The following DLG2 variants were observed in gnomAD, a reference collection of about 807,000 sequenced individuals.
DLG2 encodes the protein discs large MAGUK scaffold protein 2, also known as disks large homolog 2.
Under a neutral mutation model 132.5 loss-of-function variants are expected in DLG2, and 45 were observed. That is an observed-to-expected ratio of 0.34 (90% CI 0.27 to 0.44). The LOEUF is 0.44. DLG2 is among the 20% of genes least tolerant of loss of function. The pLI is 1.00. For missense variants in DLG2, 1,045 were observed against 1,196.9 expected (o/e 0.87, Z 1.87); for synonymous variants, 424 against 419.6 (o/e 1.01, Z -0.13).
intron 3 of DLG2, among the ~76,000 whole-genome samples, chr11:85,346,505 T>C (rs2082861440): frequency 6.6e-6 from 1 of 152,130 alleles, no homozygotes; most frequent in Non-Finnish European, 1.5e-5. Context: ...TTAATTACTA[T>C]ATTTTGCAAT....
chr11:85,448,709 A>G (rs1195620980), intron 3 of DLG2, among the ~76,000 whole-genome samples: 4 of 152,152 alleles, frequency 2.6e-5, no homozygotes, highest in Non-Finnish European at 5.9e-5. Flanking sequence ...GATCCAGGAA[A>G]TACCTTCAGA....
Position 83,867,882 on chromosome 11 carries a change from C to G in DLG2, c.1565+6538G>C, listed in dbSNP as rs187879920. 5.9e-4 allele frequency among the ~76,000 whole-genome samples: 90 copies of G among 152,096 alleles called. 1 individual carries two copies. Among genetic ancestry groups the G allele is most frequent in the Middle Eastern group, 3.4e-3 (1 of 294 alleles). ...TCCTTAAAGATTGCTGTGATGACAC[C>G]TTTTATATTTTAAGCGCTACACATG... On this transcript the variant is annotated intron_variant, in intron 16 of 27. Coordinates refer to ENST00000376104, the MANE Select transcript of DLG2 (RefSeq NM_001142699.3).
At chr11:84,934,792 T>A (rs1304061994) in intron 6 of DLG2, among the ~76,000 whole-genome samples, 1 of 151,974 alleles carries the variant, frequency 6.6e-6, no homozygotes, top group Non-Finnish European at 1.5e-5. Flanking sequence ...AGACTCAGAC[T>A]TTGTTTCTCT....
intron 6 of DLG2, among the ~76,000 whole-genome samples, chr11:84,788,346 C>T (rs1044797424): frequency 6.6e-6 from 1 of 152,006 alleles, no homozygotes; most frequent in Non-Finnish European, 1.5e-5. Flanking sequence ...TTACTTGGAA[C>T]ACAACAGGTG....
At chr11:85,569,175 G>A (rs2077707299) in intron 3 of DLG2, among the ~76,000 whole-genome samples, 1 of 152,072 alleles carries the variant, frequency 6.6e-6, no homozygotes, top group South Asian at 2.1e-4. Flanking sequence ...GGGATTACAG[G>A]CACCCATCAC....
intron 3 of DLG2, among the ~76,000 whole-genome samples, chr11:85,399,543 A>G (rs2087814291): frequency 6.6e-6 from 1 of 152,178 alleles, no homozygotes; most frequent in Non-Finnish European, 1.5e-5. Context: ...CTACAAGGCT[A>G]CAGTAACCAA....
chr11:83,850,877 A>C lies in DLG2; in HGVS notation c.1566-17107T>G, dbSNP rs1246357551. On this transcript the variant is annotated intron_variant, in intron 16 of 27. Coordinates refer to ENST00000376104, the MANE Select transcript of DLG2 (RefSeq NM_001142699.3). The stretch of plus-strand genomic sequence containing the variant: ...TTATGTGTTGAATTTTGTGTCTCCA[A>C]CCCTAAAGAAATTTTGAGGCCGGGC... 2.0e-5 allele frequency among the ~76,000 whole-genome samples: 3 copies of C among 152,080 alleles called. No homozygotes were observed. The East Asian group carries it at 5.8e-4, about 29-fold the overall frequency.
chr11:84,792,683 C>T (rs953098139), intron 6 of DLG2, among the ~76,000 whole-genome samples: 4 of 151,966 alleles, frequency 2.6e-5, no homozygotes, highest in Non-Finnish European at 5.9e-5. Flanking sequence ...TATACATTGC[C>T]TCTAGATTTA....
At chr11:83,574,689 A>G (rs2096847922) in intron 19 of DLG2, among the ~76,000 whole-genome samples, 1 of 152,220 alleles carries the variant, frequency 6.6e-6, no homozygotes, top group Non-Finnish European at 1.5e-5. Context: ...TGCCATAACT[A>G]GAAGATGAGT....
chr11:84,824,944 A>G (rs1289298260), intron 6 of DLG2, among the ~76,000 whole-genome samples: 1 of 151,924 alleles, frequency 6.6e-6, no homozygotes, highest in Non-Finnish European at 1.5e-5. Context: ...GCTCCTATCC[A>G]AACTGACCTT....
At chr11:84,916,128 G>C (rs1021143369) in intron 6 of DLG2, among the ~76,000 whole-genome samples, 1 of 151,620 alleles carries the variant, frequency 6.6e-6, no homozygotes, top group African/African-American at 2.4e-5. Context: ...GGCGGATCAC[G>C]AGGTCAGGAG....
intron 5 of DLG2, among the ~76,000 whole-genome samples, chr11:85,126,637 A>G (rs2075145198): frequency 6.6e-6 from 1 of 151,866 alleles, no homozygotes; most frequent in South Asian, 2.1e-4. Flanking sequence ...CCCTGTTCCA[A>G]TCTCCCCCAC....
At chr11:85,132,298 C>G (rs1254920355) in intron 5 of DLG2, among the ~76,000 whole-genome samples, 1 of 151,912 alleles carries the variant, frequency 6.6e-6, no homozygotes, top group Non-Finnish European at 1.5e-5. Context: ...TGCAGAATAT[C>G]AGAATTCTCC....
chr11:84,641,863 A>G (rs544292339), intron 6 of DLG2, among the ~76,000 whole-genome samples: 2 of 151,964 alleles, frequency 1.3e-5, no homozygotes, highest in African/African-American at 4.8e-5. Flanking sequence ...TTCCTATTAG[A>G]GGAAGTAAAA....
chr11:84,701,454 G>A (rs2153742336), intron 6 of DLG2, among the ~76,000 whole-genome samples: 1 of 151,572 alleles, frequency 6.6e-6, no homozygotes, highest in African/African-American at 2.4e-5. Flanking sequence ...ATGTAGCATA[G>A]CCCCTAGCTC....
chr11:84,631,440 C>T (rs977887266), intron 6 of DLG2, among the ~76,000 whole-genome samples: 5 of 152,038 alleles, frequency 3.3e-5, no homozygotes, highest in African/African-American at 1.2e-4. Context: ...AAGATTTAGA[C>T]AAGAAAATTC....
intron 4 of DLG2, among the ~76,000 whole-genome samples, chr11:85,257,711 T>C (rs1404390285): frequency 6.6e-6 from 1 of 152,202 alleles, no homozygotes; most frequent in African/African-American, 2.4e-5. Flanking sequence ...AATGAACTGA[T>C]GTTATCCTAT....
At chr11:85,180,845 T>A (rs1426328462) in intron 4 of DLG2, among the ~76,000 whole-genome samples, 1 of 151,790 alleles carries the variant, frequency 6.6e-6, no homozygotes, top group Non-Finnish European at 1.5e-5. Flanking sequence ...TCAGTTTTTC[T>A]GTCTTGGATA....
chr11:85,002,563 T>C (rs1363379209), intron 6 of DLG2, among the ~76,000 whole-genome samples: 4 of 152,170 alleles, frequency 2.6e-5, no homozygotes, highest in African/African-American at 9.6e-5. Flanking sequence ...GGTAGAACCA[T>C]GTGCTGGTTT....
Sources: gnomAD v4.1 joint callset for allele counts (sites outside exome capture counted in the v4.1 genomes callset) on GRCh38, gnomAD v4.1.1 for gene constraint, MANE v1.5 for transcripts, NCBI Gene and HGNC (gene_info 2026-07-23, HGNC 2026-07-21) for gene names.